Variants in CANT1 observed in about 807,000 individuals in gnomAD.
CANT1 encodes calcium activated nucleotidase 1.
In CANT1, 26 loss-of-function variants were observed where a neutral mutation model predicts 30.0. The observed-to-expected ratio is 0.87, with a 90% CI of 0.64 to 1.20. The LOEUF (loss-of-function observed/expected upper bound fraction) is 1.20. Ranked by LOEUF, CANT1 falls within the 50% of genes most tolerant of loss-of-function variation. The probability of loss-of-function intolerance (pLI) is 0.00; values close to 1 mark genes in which losing one functional copy is unlikely to be tolerated. For missense variants in CANT1, 518 were observed against 563.0 expected (o/e 0.92, Z 0.81); for synonymous variants, 246 against 251.8 (o/e 0.98, Z 0.22).
chr17:78,991,943 T>A lies in CANT1; in HGVS notation c.*1607A>T, dbSNP rs1347266620. Reference sequence around the variant, plus strand: ...GTCTCAATTCAGCCACAGTCCCAAGTCCCCCAACCTTCCTGATTGCATCTC... The same window carrying A: ...GTCTCAATTCAGCCACAGTCCCAAGACCCCCAACCTTCCTGATTGCATCTC... On this transcript the variant is annotated 3_prime_UTR_variant, in exon 5 of 5. Transcript: ENST00000392446. 1 of 231,538 alleles carries A rather than the reference T, an allele frequency of 4.3e-6. No homozygotes were observed. The highest frequency in any genetic ancestry group is 6.1e-5 in the East Asian group (1 of 16,420). The allele number at this position is 231,538 out of a possible 1,614,324, so 14.3% of individuals were successfully genotyped here. A position where few individuals can be genotyped will look rare whatever the true frequency, so the allele number is the denominator to read the frequency against.
intron 1 of CANT1, among the ~76,000 whole-genome samples, chr17:79,007,048 A>G (rs1000288626): frequency 2.0e-5 from 3 of 152,184 alleles, no homozygotes; most frequent in East Asian, 1.9e-4. Context: ...TTCACTTCCC[A>G]TAAAACCATC....
chr17:79,006,846 C>T (rs1394939178), intron 1 of CANT1, among the ~76,000 whole-genome samples: 3 of 152,194 alleles, frequency 2.0e-5, no homozygotes, highest in Admixed American at 1.3e-4. Context: ...CACCTGCTTA[C>T]TGCCACCTTC....
chr17:78,993,315 C>A lies in CANT1; in HGVS notation c.*235G>T. ...CAGTTAGGCAGGCCTTGAGTCAATGCCTGAAGTGACCGAAATCACCACCAG... is the reference window on the plus strand; with the variant it reads ...CAGTTAGGCAGGCCTTGAGTCAATGACTGAAGTGACCGAAATCACCACCAG... On this transcript the variant is annotated 3_prime_UTR_variant, in exon 5 of 5. Transcript: ENST00000392446. This position sits in a 1 kb window ranked among gnomAD's most constrained non-coding sequence, Gnocchi z 4.5. 1.7e-6 allele frequency: 1 copy of A among 580,190 alleles called. No homozygotes were observed. Among genetic ancestry groups the A allele is most frequent in the Non-Finnish European group, 3.1e-6 (1 of 327,146 alleles). The allele number at this position is 580,190 out of a possible 1,614,324, so 35.9% of individuals were successfully genotyped here.
Position 78,997,480 on chromosome 17 carries a change from G to A in CANT1, c.143C>T (p.Thr48Met), listed in dbSNP as rs758613354. 1.2e-4 allele frequency: 184 copies of A among 1,590,544 alleles called. 2 individuals carry two copies. In the Admixed American group the frequency reaches 1.6e-3, roughly 14 times the overall value. The change falls in exon 3 of 5, where the codon ACG (threonine) becomes ATG (methionine). Residue 48 changes from threonine (T) to methionine (M), a missense_variant. Around this residue, in one of 3 missense-constraint regions of CANT1, gnomAD observed 249 missense variants for 268.8 expected, o/e 0.93. Transcript: ENST00000392446. This position sits in a 1 kb window ranked among gnomAD's most constrained non-coding sequence, Gnocchi z 7.5. ...RFRPRWKVIL[T>M]FFVGAAILWL... Reference sequence around the variant, plus strand: ...GAGGATGGCAGCACCCACAAAGAACGTCAGGATCACCTTCCAGCGGGGGCG... The same window carrying A: ...GAGGATGGCAGCACCCACAAAGAACATCAGGATCACCTTCCAGCGGGGGCG...
chr17:78,999,723 G>A (rs1056455240), intron 1 of CANT1, among the ~76,000 whole-genome samples: 7 of 143,170 alleles, frequency 4.9e-5, no homozygotes, highest in South Asian at 4.4e-4. Flanking sequence ...GCACGATCTC[G>A]GCTCACTGCA....
In CANT1 at chr17:78,993,840, G is replaced by T. The variant is rs569632479; in HGVS notation, c.916C>A (p.Arg306Ser). Residue 306 changes from arginine to serine, a missense_variant, in exon 5 of 5, where the codon CGC (arginine) becomes AGC (serine). Arg to Ser is a moderately radical substitution (Grantham distance 110). Around this residue, in one of 3 missense-constraint regions of CANT1, gnomAD observed 221 missense variants for 211.8 expected, o/e 1.04. Coordinates refer to ENST00000392446, the MANE Select transcript of CANT1 (RefSeq NM_001159773.2). This position sits in a 1 kb window ranked among gnomAD's most constrained non-coding sequence, Gnocchi z 4.5. ...CGCTCGTCGTCCTTCTCGCTGTAGC[G>T]CTCCTGGCTGGCGCGGCGCGGCAGG... ...FFLPRRASQE[R>S]YSEKDDERKG... 1.2e-6 allele frequency: 2 copies of T among 1,602,768 alleles called. No individual in the cohort carries two copies. Among genetic ancestry groups the T allele is most frequent in the South Asian group, 1.1e-5 (1 of 90,828 alleles).
Position 78,995,414 on chromosome 17 carries a change from G to A in CANT1, c.632-193C>T, listed in dbSNP as rs1018580488. 6.6e-6 allele frequency among the ~76,000 whole-genome samples: 1 copy of A among 152,114 alleles called. No homozygotes were observed. Among genetic ancestry groups the A allele is most frequent in the Non-Finnish European group, 1.5e-5 (1 of 68,022 alleles). ...GCTGCCCTCCCCTCAGCTCCTGAAG[G>A]TTCAGTGACCACTCTCAAGTCTCCT... On this transcript the variant is annotated intron_variant, in intron 3 of 4. Transcript: ENST00000392446. This position sits in a 1 kb window ranked among gnomAD's most constrained non-coding sequence, Gnocchi z 5.7.
rs1055204332 is a variant in CANT1 at position 79,008,408 on chromosome 17, C to A, written c.-147+1256G>T. 1.3e-5 allele frequency among the ~76,000 whole-genome samples: 2 copies of A among 152,208 alleles called. No individual in the cohort carries two copies. Among genetic ancestry groups the A allele is most frequent in the Non-Finnish European group, 2.9e-5 (2 of 68,024 alleles). On this transcript the variant is annotated intron_variant, in intron 1 of 4. Coordinates refer to ENST00000392446, the MANE Select transcript of CANT1 (RefSeq NM_001159773.2). This position sits in a 1 kb window ranked among gnomAD's most constrained non-coding sequence, Gnocchi z 4.4. ...TGCGGCACCCGCTTCCTTTTAGGAG[C>A]CTTCTACGACCTGACACTTGTTTCA...
chr17:79,001,739 T>TC (rs1370602534), intron 1 of CANT1, among the ~76,000 whole-genome samples: 1 of 152,038 alleles, frequency 6.6e-6, no homozygotes, highest in Admixed American at 6.6e-5. Context: ...GTGGGCCTCC[T>TC]CCCAGGCAGG....
chr17:79,003,726 G>C lies in CANT1; in HGVS notation c.-146-5763C>G, dbSNP rs568025496. On this transcript the variant is annotated intron_variant, in intron 1 of 4. Coordinates refer to ENST00000392446, the MANE Select transcript of CANT1 (RefSeq NM_001159773.2). ...AGTCATGGGTTCTGTGGCCAGCCAGGCTCTCCTGTTCAGTGGGGCTGCAAA... is the reference window on the plus strand; with the variant it reads ...AGTCATGGGTTCTGTGGCCAGCCAGCCTCTCCTGTTCAGTGGGGCTGCAAA... Among the ~76,000 whole-genome samples the C allele has an allele frequency of 1.1e-3, 160 of 151,980 alleles. 1 individual carries two copies. Among genetic ancestry groups the C allele is most frequent in the Non-Finnish European group, 1.9e-3 (126 of 67,986 alleles).
chr17:78,997,522 G>A lies in CANT1; in HGVS notation c.101C>T (p.Ala34Val), dbSNP rs751486690. ...GLPVLASMTK[A>V]ADPRFRPRWK... ...GCGGGGGCGGAAGCGGGGGTCCGCG[G>A]CCTTGGTCATGGACGCCAGCACAGG... The change falls in exon 3 of 5, where the codon GCC becomes GTC. Residue 34 changes from alanine (A) to valine (V), a missense_variant. This residue lies in a region of CANT1 where 249 missense variants were observed against 268.8 expected (regional missense o/e 0.93). Coordinates refer to ENST00000392446, the MANE Select transcript of CANT1 (RefSeq NM_001159773.2). This position sits in a 1 kb window ranked among gnomAD's most constrained non-coding sequence, Gnocchi z 7.5. The A allele has an allele frequency of 1.5e-5, 24 of 1,569,382 alleles. No homozygotes were observed. Among genetic ancestry groups the A allele is most frequent in the Middle Eastern group, 1.7e-4 (1 of 5,866 alleles).
chr17:78,995,126 C>T lies in CANT1; in HGVS notation c.727G>A (p.Glu243Lys), dbSNP rs572361764. ...ACCACCTTCACCCACTCCGGGTTCT[C>T]GTTCACCACATCACCCGTAGTGGTC... Reference protein sequence around the residue: ...WTTTTGDVVNENPEWVKVVGY... With the variant: ...WTTTTGDVVNKNPEWVKVVGY... The change falls in exon 4 of 5, where the codon GAG (glutamate) becomes AAG (lysine). Residue 243 changes from glutamate (E) to lysine (K), a missense_variant. This residue lies in a region of CANT1 where 48 missense variants were observed against 82.5 expected (regional missense o/e 0.58). Transcript: ENST00000392446. The surrounding 1 kb of genome is among the most constrained non-coding windows in gnomAD (Gnocchi z 5.7). The T allele has an allele frequency of 9.2e-5, 148 of 1,613,954 alleles. No individual in the cohort carries two copies. The highest frequency in any genetic ancestry group is 1.2e-4 in the Admixed American group (7 of 60,010).
At chr17:79,001,047 C>T (rs2071240450) in intron 1 of CANT1, among the ~76,000 whole-genome samples, 1 of 152,194 alleles carries the variant, frequency 6.6e-6, no homozygotes, top group Non-Finnish European at 1.5e-5. Context: ...TATTATGAAC[C>T]CACAACCTGG....
At position 78,992,831 on chromosome 17, in the gene CANT1, A is replaced by G; in HGVS notation, c.*719T>C. 1 of 391,736 alleles carries G rather than the reference A, an allele frequency of 2.6e-6. No homozygotes were observed. Among genetic ancestry groups the G allele is most frequent in the Non-Finnish European group, 5.0e-6 (1 of 198,950 alleles). 24.3% of individuals were successfully genotyped at this position (391,736 alleles called of 1,614,324 possible). A position where few individuals can be genotyped will look rare whatever the true frequency, so the allele number is the denominator to read the frequency against. On this transcript the variant is annotated 3_prime_UTR_variant, in exon 5 of 5. Transcript: ENST00000392446. ...GATTTGGTGATTCCACTTTATAAGAAAGGAAACTGCTTTAATTAAAGCAGG... is the reference window on the plus strand; with the variant it reads ...GATTTGGTGATTCCACTTTATAAGAGAGGAAACTGCTTTAATTAAAGCAGG...
In CANT1 at chr17:78,998,676, G is replaced by T. The variant is rs1005874799; in HGVS notation, c.-146-713C>A. On this transcript the variant is annotated intron_variant, in intron 1 of 4. Coordinates refer to ENST00000392446, the MANE Select transcript of CANT1 (RefSeq NM_001159773.2). This position sits in a 1 kb window ranked among gnomAD's most constrained non-coding sequence, Gnocchi z 4.5. ...TGCAGCCATGGGGCACCAGGCCCAC[G>T]TCTGCGCCGCCTTGGTGAGAGCTGC... 6.6e-6 allele frequency among the ~76,000 whole-genome samples: 1 copy of T among 152,262 alleles called. No homozygotes were observed. The highest frequency in any genetic ancestry group is 2.4e-5 in the African/African-American group (1 of 41,472).
intron 1 of CANT1, among the ~76,000 whole-genome samples, chr17:79,004,284 G>A (rs2071398097): frequency 2.5e-5 from 1 of 39,272 alleles, no homozygotes; most frequent in African/African-American, 9.7e-5. Context: ...TTAGGGAGGG[G>A]GGAGTTAGGG....
Position 78,992,803 on chromosome 17 carries a change from T to C in CANT1, c.*747A>G, listed in dbSNP as rs770322593. 8.5e-6 allele frequency: 4 copies of C among 469,356 alleles called. No individual in the cohort carries two copies. The highest frequency in any genetic ancestry group is 1.7e-5 in the Non-Finnish European group (4 of 241,374). The allele number at this position is 469,356 out of a possible 1,614,324, so 29.1% of individuals were successfully genotyped here. On this transcript the variant is annotated 3_prime_UTR_variant, in exon 5 of 5. Transcript: ENST00000392446. Reference sequence around the variant, plus strand: ...AACTACAGGACTGTGCTCTGTGTGATAAGATTTGGTGATTCCACTTTATAA... The same window carrying C: ...AACTACAGGACTGTGCTCTGTGTGACAAGATTTGGTGATTCCACTTTATAA...
At position 78,995,081 on chromosome 17, in the gene CANT1, C is replaced by G; in HGVS notation, c.772G>C (p.Asp258His). 4 of 1,609,864 alleles carry G rather than the reference C, an allele frequency of 2.5e-6. No individual in the cohort carries two copies. The highest frequency in any genetic ancestry group is 3.4e-6 in the Non-Finnish European group (4 of 1,178,234). ...VKVVGYKGSV[D>H]HENWVSNYNA... ...TAGTTGGACACCCAGTTCTCGTGGT[C>G]CACGCTGCCCTTGTAGCCCACCACC... is the stretch of plus-strand genomic sequence containing the variant. The change falls in exon 4 of 5, where the codon GAC (aspartate) becomes CAC (histidine). Residue 258 changes from aspartate to histidine, a missense_variant. Physicochemically the swap from Asp to His is moderately conservative, Grantham distance 81. Around this residue, in one of 3 missense-constraint regions of CANT1, gnomAD observed 221 missense variants for 211.8 expected, o/e 1.04. Coordinates refer to ENST00000392446, the MANE Select transcript of CANT1 (RefSeq NM_001159773.2). This position sits in a 1 kb window ranked among gnomAD's most constrained non-coding sequence, Gnocchi z 5.7.
At position 78,997,276 on chromosome 17, in the gene CANT1, T is replaced by A; in HGVS notation, c.347A>T (p.Glu116Val). The A allele has an allele frequency of 6.2e-7, 1 of 1,614,180 alleles. No individual in the cohort carries two copies. The highest frequency in any genetic ancestry group is 1.7e-5 in the Admixed American group (1 of 60,024). ...RIAVIADLDT[E>V]SRAQEENTWF... is the part of the protein sequence containing the mutation. Reference sequence around the variant, plus strand: ...GGTGTTTTCCTCTTGGGCCCTTGACTCTGTGTCCAGGTCTGCGATAACTGC... The same window carrying A: ...GGTGTTTTCCTCTTGGGCCCTTGACACTGTGTCCAGGTCTGCGATAACTGC... The change falls in exon 3 of 5, where the codon GAG becomes GTG. Residue 116 changes from glutamate (E) to valine (V), a missense_variant. Glu to Val is a moderately radical substitution (Grantham distance 121). Around this residue, in one of 3 missense-constraint regions of CANT1, gnomAD observed 249 missense variants for 268.8 expected, o/e 0.93. Transcript: ENST00000392446. This position sits in a 1 kb window ranked among gnomAD's most constrained non-coding sequence, Gnocchi z 7.5.
Sources: allele counts gnomAD v4.1 joint callset (sites outside exome capture counted in the v4.1 genomes callset), GRCh38; gene constraint gnomAD v4.1.1; regional missense constraint gnomAD v4.1.1; non-coding constraint Gnocchi (gnomAD v3.1); transcripts MANE v1.5; gene names NCBI Gene and HGNC (gene_info 2026-07-23, HGNC 2026-07-21).